Variants in AMBP observed in about 807,000 individuals in gnomAD.
AMBP encodes alpha-1-microglobulin/bikunin precursor.
A neutral mutation model predicts 46.3 loss-of-function variants in AMBP; 37 were observed. The ratio of observed to expected loss-of-function variants is 0.80; its 90% CI spans 0.61 to 1.05. The LOEUF is 1.05. Ranked by LOEUF, AMBP falls within the 50% of genes least tolerant of loss-of-function variation. AMBP has a pLI of 0.00. For synonymous variants in AMBP, 174 were observed against 175.9 expected, an observed-to-expected ratio of 0.99 and a Z score of 0.09; for missense variants, 475 against 461.2, an observed-to-expected ratio of 1.03 and a Z score of -0.27.
chr9:114,060,374 T>TTATC (rs1422172798), intron 9 of AMBP, 104 bp from the exon 10 acceptor site: 35 of 1,224,580 alleles, frequency 2.9e-5, no homozygotes, highest in Non-Finnish European at 4.1e-5. Context: ...GCTGAATCAT[T>TTATC]TATCTCCAAA....
At chr9:114,066,393 G>A (rs1429647766) in intron 6 of AMBP, among the ~76,000 whole-genome samples, 1 of 151,282 alleles carries the variant, frequency 6.6e-6, no homozygotes, top group African/African-American at 2.4e-5. Context: ...GTGTGTGTGT[G>A]TGTGTGTGTG....
At chr9:114,074,255 CATCT>C (rs1282521001) in intron 3 of AMBP, 103 bp from the exon 4 acceptor site, 6 of 824,084 alleles carry the variant, frequency 7.3e-6, no homozygotes, top group South Asian at 1.5e-5. Flanking sequence ...CTCATCCATC[CATCT>C]ATCCACCCAT....
intron 5 of AMBP, 91 bp downstream of exon 5, chr9:114,072,834 T>G (rs1588490970): frequency 1.8e-6 from 2 of 1,141,234 alleles, no homozygotes; most frequent in Non-Finnish European, 2.5e-6. Context: ...TCTCAGAGGG[T>G]TATAGTAAGG....
chr9:114,062,153 C>T (rs1249443302), intron 7 of AMBP, among the ~76,000 whole-genome samples: 1 of 152,204 alleles, frequency 6.6e-6, no homozygotes, highest in Non-Finnish European at 1.5e-5. Context: ...CCCTTGGATG[C>T]CTTCCCCACT....
chr9:114,077,369 C>T (rs2134858087), intron 1 of AMBP: 1 of 152,838 alleles, frequency 6.5e-6, no homozygotes, highest in East Asian at 1.9e-4. Context: ...CCACATGACA[C>T]CACAGCTAGA....
chr9:114,061,488 G>T lies in AMBP; in HGVS notation c.789C>A (p.Gly263=), dbSNP rs1199624482. The T allele has an allele frequency of 3.1e-6, 5 of 1,614,030 alleles. No individual in the cohort carries two copies. In the Admixed American group the frequency reaches 8.3e-5, roughly 27 times the overall value. ...CGAAGTTGTTACCGTTGCCCATGCA[G>T]CCGCCGTACTGGAAAGTCTCACAGG... ...SMACETFQYG[G]CMGNGNNFVT... is the part of the protein sequence containing the mutation. The change falls in exon 8 of 10, where the codon GGC becomes GGA. Residue 263 remains glycine, a synonymous_variant. Coordinates refer to ENST00000265132, the MANE Select transcript of AMBP (RefSeq NM_001633.4).
chr9:114,077,273 C>T (rs78936338), intron 1 of AMBP, among the ~76,000 whole-genome samples: 1,529 of 152,348 alleles, frequency 0.01, 35 homozygotes, highest in African/African-American at 0.035. Context: ...GTGCCCCACA[C>T]CCTTTGCGTC....
At position 114,074,110 on chromosome 9, in the gene AMBP, T is replaced by C; in HGVS notation, c.380A>G (p.Tyr127Cys). The change falls in exon 4 of 10, where the codon TAT (tyrosine) becomes TGT (cysteine). Residue 127 changes from tyrosine (Y) to cysteine (C), a missense_variant. By Grantham distance (194) the Tyr-to-Cys change is radical. Transcript: ENST00000265132. The stretch of plus-strand genomic sequence containing the variant: ...GGTCAGGAAAATGGCATACTCATCA[T>C]AGTTGGTGTGGACCACATAGGACTC... ...TMESYVVHTN[Y>C]DEYAIFLTKK... 6.2e-7 allele frequency: 1 copy of C among 1,614,186 alleles called. No homozygotes were observed. The highest frequency in any genetic ancestry group is 8.5e-7 in the Non-Finnish European group (1 of 1,180,034).
intron 6 of AMBP, among the ~76,000 whole-genome samples, chr9:114,066,460 C>T (rs1232156233): frequency 2.0e-5 from 3 of 149,366 alleles, no homozygotes; most frequent in Non-Finnish European, 4.4e-5. Context: ...GAACTCCTGG[C>T]CTCAAGCAGT....
At position 114,075,978 on chromosome 9, in the gene AMBP, C is replaced by T. The variant is rs180792448; in HGVS notation, c.260+620G>A. On this transcript the variant is annotated intron_variant, in intron 2 of 9. Coordinates refer to ENST00000265132, the MANE Select transcript of AMBP (RefSeq NM_001633.4). ...TCAGAGTACATAGCAGAGTGTGTGGCAGGAGTTCTGGGTGCTGGGAGGGTC... is the reference window on the plus strand; with the variant it reads ...TCAGAGTACATAGCAGAGTGTGTGGTAGGAGTTCTGGGTGCTGGGAGGGTC... Among the ~76,000 whole-genome samples the T allele has an allele frequency of 3.2e-4, 48 of 152,178 alleles. 1 individual carries two copies. Among genetic ancestry groups the T allele is most frequent in the Admixed American group, 2.6e-3 (40 of 15,286 alleles).
chr9:114,075,032 C>T lies in AMBP; in HGVS notation c.265G>A (p.Gly89Ser). 6.2e-7 allele frequency: 1 copy of T among 1,613,930 alleles called. No individual in the cohort carries two copies. The highest frequency in any genetic ancestry group is 8.5e-7 in the Non-Finnish European group (1 of 1,179,864). ...ISMTSTRWRK[G>S]VCEETSGAYE... is the part of the protein sequence containing the mutation. ...GCTCCAGACGTCTCCTCACAGACAC[C>T]TTTCCTAGAAATGAACAAATCAAAA... Residue 89 changes from glycine to serine, a missense_variant, in exon 3 of 10, where the codon GGT (glycine) becomes AGT (serine). This residue lies in a region of AMBP where 179 missense variants were observed against 167.4 expected (regional missense o/e 1.07). Coordinates refer to ENST00000265132, the MANE Select transcript of AMBP (RefSeq NM_001633.4).
At chr9:114,070,522 C>T (rs897296030) in intron 5 of AMBP, among the ~76,000 whole-genome samples, 2 of 152,196 alleles carry the variant, frequency 1.3e-5, no homozygotes, top group South Asian at 2.1e-4. Context: ...CCCTGGCGGC[C>T]GTCACGATGG....
At chr9:114,061,267 C>A in intron 8 of AMBP, 157 bp downstream of exon 8, 1 of 1,415,254 alleles carries the variant, frequency 7.1e-7, no homozygotes, top group Non-Finnish European at 9.6e-7. Context: ...CGAGGTCCTC[C>A]ACATCCAAAG....
chr9:114,062,886 C>T lies in AMBP; in HGVS notation c.604-128G>A, dbSNP rs1846656435. On this transcript the variant is annotated intron_variant, in intron 6 of 9. Transcript: ENST00000265132. ...GGTAGGTAGGAACACAGCTCTTAGA[C>T]TGGTTAAAGGAGACTGTTTTCCCAA... The T allele has an allele frequency of 1.2e-5, 11 of 887,350 alleles. No individual in the cohort carries two copies. The South Asian group carries it at 1.4e-4, about 12-fold the overall frequency. The allele number at this position is 887,350 out of a possible 1,614,324, so 55.0% of individuals were successfully genotyped here.
chr9:114,070,111 A>G (rs1226195505), intron 5 of AMBP, among the ~76,000 whole-genome samples: 1 of 152,216 alleles, frequency 6.6e-6, no homozygotes, highest in East Asian at 1.9e-4. Context: ...TATTATGCCC[A>G]ATTTACAGAG....
chr9:114,073,683 G>A (rs192690597), intron 4 of AMBP, among the ~76,000 whole-genome samples: 86 of 152,004 alleles, frequency 5.7e-4, no homozygotes, highest in Non-Finnish European at 1.0e-3. Flanking sequence ...ATTTTTTGTA[G>A]AGATGCTGTC....
chr9:114,073,526 C>A (rs1410266483), intron 4 of AMBP, among the ~76,000 whole-genome samples: 2 of 132,648 alleles, frequency 1.5e-5, no homozygotes, highest in African/African-American at 5.8e-5. Flanking sequence ...GAGACAGGGT[C>A]TTGCTCTGTT....
At chr9:114,060,537 T>C (rs1002135766) in intron 9 of AMBP, among the ~76,000 whole-genome samples, 3 of 152,202 alleles carry the variant, frequency 2.0e-5, no homozygotes, top group Non-Finnish European at 2.9e-5. Flanking sequence ...TCGTTATTAT[T>C]AGGAGCAGTT....
intron 1 of AMBP, chr9:114,077,599 A>G (rs1296075723): frequency 6.2e-6 from 1 of 161,410 alleles, no homozygotes; most frequent in East Asian, 1.7e-4. Context: ...TCTTCCCATA[A>G]GCCCCACATG....
Sources: gnomAD v4.1 joint callset for allele counts (sites outside exome capture counted in the v4.1 genomes callset) on GRCh38, gnomAD v4.1.1 for gene constraint, gnomAD v4.1.1 regional missense constraint, MANE v1.5 for transcripts, NCBI Gene and HGNC (gene_info 2026-07-23, HGNC 2026-07-21) for gene names.